The following EPN2 variants were observed in gnomAD, a reference collection of about 807,000 sequenced individuals.
EPN2 encodes epsin 2.
Under a neutral mutation model 61.7 loss-of-function variants are expected in EPN2, and 34 were observed. That is an observed-to-expected ratio of 0.55 (90% CI 0.42 to 0.73). EPN2 has a LOEUF of 0.73. EPN2 is among the 30% of genes least tolerant of loss of function. The probability of loss-of-function intolerance (pLI) is 0.00; values close to 1 mark genes in which losing one functional copy is unlikely to be tolerated. For synonymous variants in EPN2, 349 were observed against 353.6 expected (o/e 0.99, Z 0.15); for missense variants, 714 against 839.2 (o/e 0.85, Z 1.84).
intron 7 of EPN2, among the ~76,000 whole-genome samples, chr17:19,327,012 A>G (rs1906909808): frequency 2.0e-5 from 3 of 152,198 alleles, no homozygotes. Flanking sequence ...CCAGATTGGC[A>G]CACATGGGAA....
intron 1 of EPN2, among the ~76,000 whole-genome samples, chr17:19,268,194 A>G (rs540158207): frequency 2.6e-5 from 4 of 152,152 alleles, no homozygotes; most frequent in Non-Finnish European, 5.9e-5. Flanking sequence ...TTGTCTTCTC[A>G]GGAGCTGCCT....
chr17:19,311,265 C>T (rs920073089), intron 5 of EPN2, among the ~76,000 whole-genome samples: 15 of 151,978 alleles, frequency 9.9e-5, no homozygotes, highest in African/African-American at 3.6e-4. Context: ...GGCCAGCAGC[C>T]CAGGAAGAAG....
In EPN2 at chr17:19,335,889, C is replaced by T. The variant is rs1316026976; in HGVS notation, c.*1635C>T. 1 of 154,474 alleles carries T rather than the reference C, an allele frequency of 6.5e-6. No homozygotes were observed. The highest frequency in any genetic ancestry group is 2.4e-5 in the African/African-American group (1 of 41,536). 9.6% of individuals were successfully genotyped at this position (154,474 alleles called of 1,614,324 possible). On this transcript the variant is annotated 3_prime_UTR_variant, in exon 11 of 11. Transcript: ENST00000314728. Reference sequence around the variant, plus strand: ...TGCTTTTACCCAGGGAGGGGACATTCCCCCAATCCTGTGTCTGGGCAGCTT... The same window carrying T: ...TGCTTTTACCCAGGGAGGGGACATTTCCCCAATCCTGTGTCTGGGCAGCTT...
chr17:19,335,628 T>A lies in EPN2; in HGVS notation c.*1374T>A. The A allele has an allele frequency of 3.8e-4, 179 of 476,914 alleles. No individual in the cohort carries two copies. Among genetic ancestry groups the A allele is most frequent in the Middle Eastern group, 6.2e-4 (2 of 3,246 alleles). 29.5% of individuals were successfully genotyped at this position (476,914 alleles called of 1,614,324 possible). A position where few individuals can be genotyped will look rare whatever the true frequency, so the allele number is the denominator to read the frequency against. ...CTAGGCTAAGACAGGGGTGGGGGGC[T>A]AAGGGACCAGGGCTGGCCCTGATCC... On this transcript the variant is annotated 3_prime_UTR_variant, in exon 11 of 11. Transcript: ENST00000314728.
intron 7 of EPN2, among the ~76,000 whole-genome samples, chr17:19,316,996 G>A (rs1285102140): frequency 1.3e-5 from 2 of 152,186 alleles, no homozygotes; most frequent in Non-Finnish European, 2.9e-5. Flanking sequence ...CAAGAGTGTG[G>A]TATTGGATTT....
At chr17:19,259,556 C>T (rs2045118158) in intron 1 of EPN2, among the ~76,000 whole-genome samples, 1 of 152,182 alleles carries the variant, frequency 6.6e-6, no homozygotes, top group Admixed American at 6.5e-5. Context: ...TTGTGATCTG[C>T]CCGCCTCGGC....
In EPN2 at chr17:19,315,489, CT is replaced by C. The variant is rs541478711; in HGVS notation, c.1147+2220del. On this transcript the variant is annotated intron_variant, in intron 7 of 10. Transcript: ENST00000314728. ...CTTGAGATAAAATTCACCATTTCAA[CT>C]TTTTTTTTTCTTTTTTTTGAGACAG... 1.1e-3 allele frequency among the ~76,000 whole-genome samples: 165 copies of C among 150,682 alleles called. 1 individual carries two copies. Among genetic ancestry groups the C allele is most frequent in the Admixed American group, 1.7e-3 (26 of 15,114 alleles).
rs1269629011 is a variant in EPN2, at chr17:19,250,923, C to T, written c.-294+13392C>T. Among the ~76,000 whole-genome samples, 3 of 151,980 alleles carry T rather than the reference C, an allele frequency of 2.0e-5. No individual in the cohort carries two copies. In the East Asian group the frequency reaches 5.8e-4, roughly 29 times the overall value. On this transcript the variant is annotated intron_variant, in intron 1 of 10. Coordinates refer to ENST00000314728, the MANE Select transcript of EPN2 (RefSeq NM_014964.5). ...CTCTGCCTGGCACACACTGTCCCTC[C>T]TCCTCTCTGTGCCCTTCTCTCTCTG...
chr17:19,263,142 G>A (rs1269052466), intron 1 of EPN2, among the ~76,000 whole-genome samples: 2 of 152,206 alleles, frequency 1.3e-5, no homozygotes, highest in Non-Finnish European at 2.9e-5. Flanking sequence ...AGGGAATGTG[G>A]CACCTGCCTT....
At chr17:19,309,831 A>T in intron 4 of EPN2, 54 bp from the exon 5 acceptor site, 1 of 1,431,502 alleles carries the variant, frequency 7.0e-7, no homozygotes, top group Admixed American at 1.7e-5. Context: ...ACTGCTGTGC[A>T]GGAGCTGTAT....
At position 19,283,759 on chromosome 17, in the gene EPN2, A is replaced by G. The variant is rs777730544; in HGVS notation, c.595+45A>G. On this transcript the variant is annotated intron_variant, in intron 3 of 10. Coordinates refer to ENST00000314728, the MANE Select transcript of EPN2 (RefSeq NM_014964.5). This position sits in a 1 kb window ranked among gnomAD's most constrained non-coding sequence, Gnocchi z 7.0. ...CTCACCCTTTGCCAGAGCAGCAGCA[A>G]TGGGTGACAGGCAGGGTGGGTGTCT... The G allele has an allele frequency of 4.5e-5, 64 of 1,416,038 alleles. No homozygotes were observed. Among genetic ancestry groups the G allele is most frequent in the Non-Finnish European group, 5.8e-5 (61 of 1,054,972 alleles). The allele number at this position is 1,416,038 out of a possible 1,614,324, so 87.7% of individuals were successfully genotyped here.
intron 4 of EPN2, among the ~76,000 whole-genome samples, chr17:19,289,784 T>TG (rs1343411459): frequency 1.5e-5 from 2 of 134,648 alleles, no homozygotes; most frequent in South Asian, 2.5e-4. Context: ...TAGAGTGTAG[T>TG]GGGGTGATCT....
At chr17:19,328,992 T>C in intron 8 of EPN2, 105 bp downstream of exon 8, 1 of 1,043,032 alleles carries the variant, frequency 9.6e-7, no homozygotes, top group Admixed American at 2.4e-5. Flanking sequence ...TGCTTGCATT[T>C]GCTCCCCTCC....
At chr17:19,250,113 A>G (rs2044998173) in intron 1 of EPN2, among the ~76,000 whole-genome samples, 1 of 149,710 alleles carries the variant, frequency 6.7e-6, no homozygotes, top group Admixed American at 6.6e-5. Flanking sequence ...TTTTTTTTTC[A>G]GACGGAGCCT....
chr17:19,322,756 A>AAG (rs1555603777), intron 7 of EPN2, among the ~76,000 whole-genome samples: 3 of 151,916 alleles, frequency 2.0e-5, no homozygotes, highest in African/African-American at 7.3e-5. Context: ...AAAAAAAAAA[A>AAG]AAAGGTAGTG....
chr17:19,315,449 C>T (rs1388473128), intron 7 of EPN2, among the ~76,000 whole-genome samples: 1 of 152,078 alleles, frequency 6.6e-6, no homozygotes, highest in Non-Finnish European at 1.5e-5. Flanking sequence ...AATCTGCCCT[C>T]CCAAATTTTA....
intron 5 of EPN2, 141 bp from the exon 6 acceptor site, chr17:19,311,911 T>A: frequency 1.5e-6 from 1 of 684,910 alleles, no homozygotes; most frequent in South Asian, 1.7e-5. Flanking sequence ...GATTTGAAAG[T>A]AATTGTGTTT....
chr17:19,257,157 C>T (rs550244849), intron 1 of EPN2, among the ~76,000 whole-genome samples: 1 of 152,088 alleles, frequency 6.6e-6, no homozygotes, highest in African/African-American at 2.4e-5. Context: ...TCCCTTCCCC[C>T]TCCAAAAAAC....
In EPN2 at chr17:19,313,124, A is replaced by G; in HGVS notation, c.992A>G (p.Gln331Arg). ...KKKEHGSLPQQTTLLDLMDAL... is the reference protein window; with the variant it reads ...KKKEHGSLPQRTTLLDLMDAL... ...TAAAAGCATGGCTCTCTCCCACAGC[A>G]GACTACGCTGTTGGATTTAATGGAT... Residue 331 changes from glutamine to arginine, a missense_variant, in exon 7 of 11, where the codon CAG (glutamine) becomes CGG (arginine). Gln to Arg is a conservative substitution (Grantham distance 43). Coordinates refer to ENST00000314728, the MANE Select transcript of EPN2 (RefSeq NM_014964.5). 3 of 1,613,898 alleles carry G rather than the reference A, an allele frequency of 1.9e-6. No individual in the cohort carries two copies. The highest frequency in any genetic ancestry group is 2.5e-6 in the Non-Finnish European group (3 of 1,179,872).
Sources: allele counts gnomAD v4.1 joint callset (sites outside exome capture counted in the v4.1 genomes callset), GRCh38; gene constraint gnomAD v4.1.1; non-coding constraint Gnocchi (gnomAD v3.1); transcripts MANE v1.5; gene names NCBI Gene and HGNC (gene_info 2026-07-23, HGNC 2026-07-21).